Variants in NELL1 observed in about 807,000 individuals in gnomAD.
The protein encoded by NELL1 is neural EGFL like 1.
Under a neutral mutation model 107.4 loss-of-function variants are expected in NELL1, and 76 were observed. The ratio of observed to expected loss-of-function variants is 0.71; its 90% confidence interval spans 0.59 to 0.86. The LOEUF (loss-of-function observed/expected upper bound fraction) is 0.86. Among genes scored for constraint, NELL1 ranks in the 40% least tolerant of loss-of-function variants. The pLI, the probability that NELL1 is intolerant of heterozygous loss-of-function variation, is 0.00. For missense variants in NELL1, 1,024 were observed against 1,005.5 expected, an observed-to-expected ratio of 1.02 and a Z score of -0.25; for synonymous variants, 353 against 341.2, an observed-to-expected ratio of 1.03 and a Z score of -0.38.
intron 2 of NELL1, among the ~76,000 whole-genome samples, chr11:20,690,872 G>A (rs1220741731): frequency 2.6e-5 from 4 of 151,308 alleles, no homozygotes; most frequent in Non-Finnish European, 5.9e-5. Context: ...ATTACCTTGG[G>A]CAGTATGGCC....
chr11:21,456,690 A>G (rs1283410681), intron 15 of NELL1, among the ~76,000 whole-genome samples: 2 of 152,134 alleles, frequency 1.3e-5, no homozygotes, highest in Non-Finnish European at 2.9e-5. Flanking sequence ...CTTGTCCTCA[A>G]GGAGCCAGCC....
At chr11:21,473,616 C>T (rs548130020) in intron 15 of NELL1, among the ~76,000 whole-genome samples, 2 of 152,102 alleles carry the variant, frequency 1.3e-5, no homozygotes, top group Admixed American at 6.6e-5. Context: ...ATAACTGTCC[C>T]CATAGCTAAC....
chr11:21,531,176 C>A (rs1238080760), intron 15 of NELL1, among the ~76,000 whole-genome samples: 2 of 152,114 alleles, frequency 1.3e-5, no homozygotes, highest in Non-Finnish European at 2.9e-5. Flanking sequence ...AACACAAACA[C>A]ACACACACAT....
At position 21,534,508 on chromosome 11, in the gene NELL1, T is replaced by G; in HGVS notation, c.1780T>G (p.Cys594Gly). 1 of 1,613,726 alleles carries G rather than the reference T, an allele frequency of 6.2e-7. No homozygotes were observed. The highest frequency in any genetic ancestry group is 8.5e-7 in the Non-Finnish European group (1 of 1,179,740). ...GACCTATTCACTGTCCGGGGAGTCC[T>G]GTATTGGTAAGCAGCTTTCAGGCAT... Reference protein sequence around the residue: ...DGTYSLSGESCIDIDECALRT... With the variant: ...DGTYSLSGESGIDIDECALRT... The change falls in exon 16 of 20, where the codon TGT becomes GGT. Residue 594 changes from cysteine (C) to glycine (G), a missense_variant. By Grantham distance (159) the Cys-to-Gly change is radical (BLOSUM62 -3). Coordinates refer to ENST00000357134, the MANE Select transcript of NELL1 (RefSeq NM_006157.5).
At chr11:21,149,546 C>G (rs958654917) in intron 13 of NELL1, among the ~76,000 whole-genome samples, 1 of 152,186 alleles carries the variant, frequency 6.6e-6, no homozygotes, top group African/African-American at 2.4e-5. Flanking sequence ...AATCCCCTCC[C>G]CTGCCCCACA....
At chr11:20,687,542 A>C (rs565060105) in intron 2 of NELL1, among the ~76,000 whole-genome samples, 92 of 152,010 alleles carry the variant, frequency 6.1e-4, no homozygotes, top group African/African-American at 2.2e-3. Context: ...TAGGAAGATA[A>C]TGTTAAGAAT....
At chr11:21,147,630 C>G (rs191116232) in intron 13 of NELL1, among the ~76,000 whole-genome samples, 32 of 151,726 alleles carry the variant, frequency 2.1e-4, no homozygotes, top group Non-Finnish European at 4.3e-4. Context: ...GTCAGGAGTT[C>G]GAGACCAGCC....
rs142914637 is a variant in NELL1, at chr11:20,784,685, A to C, written c.335+855A>C. 7.4e-4 allele frequency among the ~76,000 whole-genome samples: 113 copies of C among 152,314 alleles called. No individual in the cohort carries two copies. The Middle Eastern group carries it at 0.014, about 18-fold the overall frequency. On this transcript the variant is annotated intron_variant, in intron 3 of 19. Transcript: ENST00000357134. The stretch of plus-strand genomic sequence containing the variant: ...ACTCAATCATTGAATTCAAATTAAT[A>C]ATCATTAGGTAACCTAAACAATTTT...
chr11:21,549,043 ATATAAAAC>A (rs1856512463), intron 16 of NELL1, among the ~76,000 whole-genome samples: 1 of 151,772 alleles, frequency 6.6e-6, no homozygotes, highest in Admixed American at 6.6e-5. Context: ...TAAAATAGAA[ATATAAAAC>A]TTCAAATATA....
chr11:20,793,857 A>AT (rs1857121243), intron 3 of NELL1, among the ~76,000 whole-genome samples: 1 of 151,904 alleles, frequency 6.6e-6, no homozygotes. Flanking sequence ...GAGTTGCAGA[A>AT]TTTTTTTTCC....
chr11:21,173,749 ATGTGTG>A (rs140675203), intron 13 of NELL1, among the ~76,000 whole-genome samples: 1 of 150,520 alleles, frequency 6.6e-6, no homozygotes, highest in Admixed American at 6.6e-5. Context: ...ATGTAGAGGT[ATGTGTG>A]TGTGTGTGTC....
At chr11:21,027,655 C>A (rs1187737769) in intron 12 of NELL1, among the ~76,000 whole-genome samples, 2 of 152,092 alleles carry the variant, frequency 1.3e-5, no homozygotes, top group Non-Finnish European at 2.9e-5. Flanking sequence ...TCAGCAATAA[C>A]CACCTCTTAG....
At chr11:20,680,189 G>C (rs747894772) in intron 2 of NELL1, among the ~76,000 whole-genome samples, 1 of 151,994 alleles carries the variant, frequency 6.6e-6, no homozygotes, top group Non-Finnish European at 1.5e-5. Context: ...AATCCCTTCT[G>C]TCATGTAAGG....
intron 15 of NELL1, among the ~76,000 whole-genome samples, chr11:21,524,414 A>G (rs1049887425): frequency 6.6e-6 from 1 of 152,176 alleles, no homozygotes; most frequent in Non-Finnish European, 1.5e-5. Context: ...ATATTCTAAA[A>G]TAGAATGTAT....
intron 13 of NELL1, among the ~76,000 whole-genome samples, chr11:21,170,986 A>C (rs10833472): frequency 0.45 from 68,143 of 151,434 alleles, 15,988 homozygotes; most frequent in Middle Eastern, 0.49. Context: ...TGGGCACATA[A>C]CTGTTTTTAG....
intron 14 of NELL1, among the ~76,000 whole-genome samples, chr11:21,295,864 T>A (rs1056812568): frequency 6.6e-6 from 1 of 152,040 alleles, no homozygotes; most frequent in African/African-American, 2.4e-5. Flanking sequence ...AAAAATGACT[T>A]AACTTCACAA....
chr11:21,568,521 G>C (rs943356485), intron 17 of NELL1, among the ~76,000 whole-genome samples: 2 of 151,068 alleles, frequency 1.3e-5, no homozygotes, highest in Non-Finnish European at 3.0e-5. Flanking sequence ...TTTAATTTTT[G>C]TAACTTTTTG....
intron 3 of NELL1, among the ~76,000 whole-genome samples, chr11:20,786,719 G>C (rs962191866): frequency 3.9e-5 from 6 of 151,952 alleles, no homozygotes; most frequent in African/African-American, 1.4e-4. Context: ...TTATTAAAAA[G>C]CTTTAGAGGC....
intron 12 of NELL1, among the ~76,000 whole-genome samples, chr11:21,012,039 C>A (rs1231468656): frequency 6.6e-6 from 1 of 152,088 alleles, no homozygotes; most frequent in Non-Finnish European, 1.5e-5. Context: ...ATGCTGAGAG[C>A]ACTTTTTGGG....
Sources: allele counts gnomAD v4.1 joint callset (sites outside exome capture counted in the v4.1 genomes callset), GRCh38; gene constraint gnomAD v4.1.1; transcripts MANE v1.5; gene names NCBI Gene and HGNC (gene_info 2026-07-23, HGNC 2026-07-21).